The following ADAMTS19 variants were observed in gnomAD, a reference collection of about 807,000 sequenced individuals.
The protein encoded by ADAMTS19 is ADAM metallopeptidase with thrombospondin type 1 motif 19, also known as A disintegrin and metalloproteinase with thrombospondin motifs 19.
Under a neutral mutation model 153.3 loss-of-function variants are expected in ADAMTS19, and 93 were observed. The observed-to-expected ratio is 0.61, with a 90% CI of 0.51 to 0.72. The LOEUF (loss-of-function observed/expected upper bound fraction) is 0.72, where lower values mean the gene tolerates loss of function less well. ADAMTS19 is among the 30% of genes least tolerant of loss of function. ADAMTS19 has a pLI of 0.00. For missense variants in ADAMTS19, 1,482 were observed against 1,552.1 expected (o/e 0.95, Z 0.76); for synonymous variants, 600 against 556.6 (o/e 1.08, Z -1.10).
chr5:129,567,764 T>C (rs1753765880), intron 7 of ADAMTS19, among the ~76,000 whole-genome samples: 1 of 151,372 alleles, frequency 6.6e-6, no homozygotes, highest in Non-Finnish European at 1.5e-5. Flanking sequence ...AAAAAAAATA[T>C]GACTGAAGAC....
intron 3 of ADAMTS19, among the ~76,000 whole-genome samples, chr5:129,519,764 C>G (rs1751734253): frequency 6.6e-6 from 1 of 152,072 alleles, no homozygotes; most frequent in African/African-American, 2.4e-5. Context: ...GACTCTACAG[C>G]CAATTTATAT....
rs768655154 is a variant in ADAMTS19, at chr5:129,596,707, C to G, written c.1478+43C>G. On this transcript the variant is annotated intron_variant, in intron 8 of 22. Transcript: ENST00000274487. ...CTATGTTAAATATGTTAGCATATAA[C>G]TTTGTAATTCGAGTTACTGAATTAC... The G allele has an allele frequency of 1.2e-5, 17 of 1,391,368 alleles. No individual in the cohort carries two copies. In the East Asian group the frequency reaches 3.2e-4, roughly 26 times the overall value. The allele number at this position is 1,391,368 out of a possible 1,614,324, so 86.2% of individuals were successfully genotyped here. A position where few individuals can be genotyped will look rare whatever the true frequency, so the allele number is the denominator to read the frequency against.
intron 3 of ADAMTS19, among the ~76,000 whole-genome samples, chr5:129,515,961 T>G (rs762589244): frequency 7.9e-5 from 12 of 151,956 alleles, no homozygotes; most frequent in Non-Finnish European, 1.5e-4. Flanking sequence ...GTATGTTCCT[T>G]CTATCCCCAG....
intron 21 of ADAMTS19, among the ~76,000 whole-genome samples, chr5:129,713,150 G>A (rs1385096923): frequency 6.6e-6 from 1 of 152,196 alleles, no homozygotes; most frequent in Non-Finnish European, 1.5e-5. Flanking sequence ...GAAGGATGGA[G>A]CATACATGCT....
At chr5:129,698,866 G>A (rs558503712) in intron 19 of ADAMTS19, among the ~76,000 whole-genome samples, 27 of 152,142 alleles carry the variant, frequency 1.8e-4, no homozygotes, top group African/African-American at 5.5e-4. Flanking sequence ...ATCCACCAGG[G>A]GACTCCAAAG....
chr5:129,691,201 G>T (rs1755320403), intron 18 of ADAMTS19, among the ~76,000 whole-genome samples: 2 of 152,082 alleles, frequency 1.3e-5, no homozygotes. Flanking sequence ...GTAAATAAAA[G>T]TTACCCTTCA....
In ADAMTS19 at chr5:129,571,553, C is replaced by G. The variant is rs986775036; in HGVS notation, c.1372+19646C>G. Among the ~76,000 whole-genome samples, 2 of 151,490 alleles carry G rather than the reference C, an allele frequency of 1.3e-5. 1 individual carries two copies. The highest frequency in any genetic ancestry group is 1.3e-4 in the Admixed American group (2 of 15,160). On this transcript the variant is annotated intron_variant, in intron 7 of 22. Transcript: ENST00000274487. Reference sequence around the variant, plus strand: ...GATCTAAATAAATGGAGAGAAATACCATGTTTATGGAGTGGAAGACAGCAT... The same window carrying G: ...GATCTAAATAAATGGAGAGAAATACGATGTTTATGGAGTGGAAGACAGCAT...
chr5:129,492,795 A>G (rs1044608726), intron 2 of ADAMTS19, among the ~76,000 whole-genome samples: 1 of 152,198 alleles, frequency 6.6e-6, no homozygotes, highest in Non-Finnish European at 1.5e-5. Context: ...CAGTATTGCC[A>G]CATAAACTTC....
chr5:129,709,578 T>G (rs767241871), intron 21 of ADAMTS19, among the ~76,000 whole-genome samples: 5 of 152,196 alleles, frequency 3.3e-5, no homozygotes, highest in Admixed American at 6.5e-5. Context: ...TGCCAGCTCT[T>G]TAAGTGTGCT....
chr5:129,654,173 C>T, intron 13 of ADAMTS19, 133 bp from the exon 14 acceptor site: 1 of 825,266 alleles, frequency 1.2e-6, no homozygotes, highest in Non-Finnish European at 1.8e-6. Flanking sequence ...ATGTTATCTA[C>T]TCTAACATTA....
chr5:129,682,147 GT>G (rs1754848397), intron 17 of ADAMTS19, among the ~76,000 whole-genome samples: 1 of 152,100 alleles, frequency 6.6e-6, no homozygotes, highest in Non-Finnish European at 1.5e-5. Flanking sequence ...AATTACCAAG[GT>G]TTTTCCTGGA....
intron 3 of ADAMTS19, 73 bp downstream of exon 3, chr5:129,509,315 G>A (rs371793749): frequency 1.1e-4 from 150 of 1,332,882 alleles, no homozygotes; most frequent in African/African-American, 4.2e-4. Context: ...AAACTCTCTC[G>A]TCTATTTACT....
At chr5:129,496,812 A>G (rs972739511) in intron 2 of ADAMTS19, among the ~76,000 whole-genome samples, 2 of 152,120 alleles carry the variant, frequency 1.3e-5, no homozygotes, top group African/African-American at 4.8e-5. Context: ...ACACCAACTC[A>G]TTAAGTGCTA....
At chr5:129,705,782 G>A (rs1313690151) in intron 21 of ADAMTS19, among the ~76,000 whole-genome samples, 5 of 152,150 alleles carry the variant, frequency 3.3e-5, no homozygotes, top group African/African-American at 1.2e-4. Context: ...CAGGATAATA[G>A]GGAAAGACAG....
At chr5:129,705,897 A>G (rs748393233) in intron 21 of ADAMTS19, among the ~76,000 whole-genome samples, 1 of 152,240 alleles carries the variant, frequency 6.6e-6, no homozygotes, top group Non-Finnish European at 1.5e-5. Context: ...CTTTGTTTCC[A>G]TATGAGTCAA....
Position 129,647,824 on chromosome 5 carries a change from G to A in ADAMTS19, c.1932G>A (p.Glu644=). The change falls in exon 12 of 23, where the codon GAG becomes GAA. Residue 644 remains glutamate, a synonymous_variant. Coordinates refer to ENST00000274487, the MANE Select transcript of ADAMTS19 (RefSeq NM_133638.6). ...CAGCACCTGAACATCTGGCCGGAGA[G>A]TGGAGCCTGTGGAGTCCTTGTAGCC... ...RTSAPEHLAG[E]WSLWSPCSRT... The A allele has an allele frequency of 6.2e-7, 1 of 1,614,144 alleles. No homozygotes were observed. Among genetic ancestry groups the A allele is most frequent in the Non-Finnish European group, 8.5e-7 (1 of 1,180,008 alleles).
At chr5:129,574,642 T>G (rs1754036408) in intron 7 of ADAMTS19, among the ~76,000 whole-genome samples, 1 of 152,066 alleles carries the variant, frequency 6.6e-6, no homozygotes, top group South Asian at 2.1e-4. Flanking sequence ...GGCAGGTCCT[T>G]TTTTAAAAAT....
chr5:129,727,807 G>A (rs1757269205), intron 21 of ADAMTS19, among the ~76,000 whole-genome samples: 1 of 152,120 alleles, frequency 6.6e-6, no homozygotes, highest in Admixed American at 6.6e-5. Flanking sequence ...TCTTAGCATT[G>A]AATGGAGGAA....
intron 7 of ADAMTS19, among the ~76,000 whole-genome samples, chr5:129,579,150 A>G (rs1307153364): frequency 6.6e-6 from 1 of 152,114 alleles, no homozygotes; most frequent in Non-Finnish European, 1.5e-5. Flanking sequence ...GGCGTGAGAT[A>G]GTATCTCATT....
Sources: allele counts gnomAD v4.1 joint callset (sites outside exome capture counted in the v4.1 genomes callset), GRCh38; gene constraint gnomAD v4.1.1; transcripts MANE v1.5; gene names NCBI Gene and HGNC (gene_info 2026-07-23, HGNC 2026-07-21).